The following CELF2 variants were observed in gnomAD, a reference collection of about 807,000 sequenced individuals.
CELF2 encodes CUG triplet repeat RNA-binding protein 2.
CELF2 carries 8 observed loss-of-function variants against 62.6 expected under a neutral mutation model. The observed-to-expected ratio is 0.13, with a 90% CI of 0.07 to 0.23. CELF2 has a LOEUF of 0.23. Among genes scored for constraint, CELF2 ranks in the 10% least tolerant of loss-of-function variants. CELF2 has a pLI of 1.00. For synonymous variants in CELF2, 258 were observed against 250.0 expected (o/e 1.03, Z -0.30); for missense variants, 333 against 671.0 (o/e 0.50, Z 5.56).
chr10:10,693,883 C>G, the CELF2 span, among the ~76,000 whole-genome samples: 1 of 151,870 alleles, frequency 6.6e-6, no homozygotes, highest in Non-Finnish European at 1.5e-5. Flanking sequence ...TTTATTGCGT[C>G]TATTTCATTC....
intron 2 of CELF2, among the ~76,000 whole-genome samples, chr10:11,179,755 C>T (rs572570563): frequency 6.6e-6 from 1 of 152,130 alleles, no homozygotes; most frequent in African/African-American, 2.4e-5. Context: ...TTCTTTCCCC[C>T]CTGAAGGCTC....
chr10:10,783,489 C>T, the CELF2 span, among the ~76,000 whole-genome samples: 2 of 152,208 alleles, frequency 1.3e-5, no homozygotes, highest in Non-Finnish European at 2.9e-5. Flanking sequence ...CCAGTACCGA[C>T]ACCATGATCT....
the CELF2 span, among the ~76,000 whole-genome samples, chr10:10,581,233 G>C: frequency 6.6e-6 from 1 of 152,146 alleles, no homozygotes; most frequent in African/African-American, 2.4e-5. Context: ...GCTACTAGTT[G>C]CTCCCCAGAT....
At chr10:10,563,218 A>G in the CELF2 span, among the ~76,000 whole-genome samples, 10 of 152,114 alleles carry the variant, frequency 6.6e-5, no homozygotes, top group Non-Finnish European at 1.2e-4. Context: ...CGCTGCTGCC[A>G]CCACTGTCCT....
At chr10:11,025,239 G>GTATATATATATATATATATA (rs71378775) in intron 1 of CELF2, among the ~76,000 whole-genome samples, 2 of 141,086 alleles carry the variant, frequency 1.4e-5, no homozygotes, top group African/African-American at 5.1e-5. Flanking sequence ...GTGTGTGTGT[G>GTATATATATATATATATATA]TATATGTATG....
chr10:11,170,499 T>G (rs561656048), intron 2 of CELF2, among the ~76,000 whole-genome samples: 1 of 152,166 alleles, frequency 6.6e-6, no homozygotes, highest in Non-Finnish European at 1.5e-5. Context: ...CTGATGGTTG[T>G]GGACTGTTTA....
chr10:10,893,391 T>G (rs80068071), intron 1 of CELF2, among the ~76,000 whole-genome samples: 50 of 152,060 alleles, frequency 3.3e-4, no homozygotes, highest in African/African-American at 1.1e-3. Flanking sequence ...TCAACTCTCA[T>G]GAGATCAACA....
the CELF2 span, among the ~76,000 whole-genome samples, chr10:10,464,990 G>A: frequency 1.3e-5 from 2 of 152,098 alleles, no homozygotes; most frequent in Non-Finnish European, 2.9e-5. Context: ...TTCTGCATTT[G>A]CCATGAGCTC....
chr10:11,232,403 G>A (rs1007211426), intron 3 of CELF2, among the ~76,000 whole-genome samples: 3 of 152,120 alleles, frequency 2.0e-5, no homozygotes, highest in Non-Finnish European at 4.4e-5. Context: ...TGAGTCAGAT[G>A]ACTCGAGTCT....
intron 9 of CELF2, among the ~76,000 whole-genome samples, chr10:11,291,940 G>A (rs925747546): frequency 2.0e-5 from 3 of 152,100 alleles, no homozygotes; most frequent in Non-Finnish European, 2.9e-5. Flanking sequence ...TTGCATTCAC[G>A]TACCATGTTA....
chr10:10,669,191 GTTC>G, the CELF2 span, among the ~76,000 whole-genome samples: 1 of 152,172 alleles, frequency 6.6e-6, no homozygotes, highest in Non-Finnish European at 1.5e-5. Flanking sequence ...CTAATTGACT[GTTC>G]TTCTCTGAAC....
chr10:11,100,743 GA>G (rs1474730355), intron 1 of CELF2, among the ~76,000 whole-genome samples: 16 of 152,244 alleles, frequency 1.1e-4, no homozygotes, highest in Admixed American at 1.0e-3. Flanking sequence ...TTAAAGCACA[GA>G]ACAATGTTTA....
chr10:11,140,648 G>A (rs904603317), intron 1 of CELF2, among the ~76,000 whole-genome samples: 2 of 152,122 alleles, frequency 1.3e-5, no homozygotes, highest in South Asian at 2.1e-4. Context: ...TATAAATTTC[G>A]CTATTTAAGA....
intron 1 of CELF2, among the ~76,000 whole-genome samples, chr10:11,066,083 G>T (rs1182493609): frequency 6.6e-6 from 1 of 152,134 alleles, no homozygotes; most frequent in Non-Finnish European, 1.5e-5. Context: ...GAAAAAAGGA[G>T]ATCAGGCCAC....
At position 11,159,964 on chromosome 10, in the gene CELF2, A is replaced by G. The variant is rs970277742; in HGVS notation, c.75-5522A>G. 2.0e-5 allele frequency among the ~76,000 whole-genome samples: 3 copies of G among 152,160 alleles called. No individual in the cohort carries two copies. The highest frequency in any genetic ancestry group is 7.2e-5 in the African/African-American group (3 of 41,438). On this transcript the variant is annotated intron_variant, in intron 1 of 12. Coordinates refer to ENST00000633077, the MANE Select transcript of CELF2 (RefSeq NM_001326342.2). The surrounding 1 kb of genome is among the most constrained non-coding windows in gnomAD (Gnocchi z 5.0). The stretch of plus-strand genomic sequence containing the variant: ...GAGATGGGGCTCTCGCAGCACCCCA[A>G]TTAACCGGCCACTCAGCGGCCTGTC...
the CELF2 span, among the ~76,000 whole-genome samples, chr10:10,598,751 C>CTTT: frequency 3.2e-3 from 225 of 69,576 alleles, 18 homozygotes; most frequent in Non-Finnish European, 4.8e-3. Context: ...CTTTTTCTTT[C>CTTT]TTTTTTTTTT....
At chr10:10,529,733 A>C in the CELF2 span, among the ~76,000 whole-genome samples, 1 of 151,120 alleles carries the variant, frequency 6.6e-6, no homozygotes, top group Non-Finnish European at 1.5e-5. Flanking sequence ...AAGCAATCTT[A>C]AAGATTAGTG....
intron 1 of CELF2, among the ~76,000 whole-genome samples, chr10:10,849,172 G>A (rs181738248): frequency 0.023 from 3,508 of 151,698 alleles, 66 homozygotes; most frequent in South Asian, 0.069. Context: ...TGAGGCGGGC[G>A]GATCTCTTGA....
At chr10:10,821,034 A>C (rs1403210463) in intron 1 of CELF2, among the ~76,000 whole-genome samples, 1 of 152,234 alleles carries the variant, frequency 6.6e-6, no homozygotes, top group Admixed American at 6.5e-5. Context: ...AATGATTTCA[A>C]GGAAGTCAAA....
Sources: allele counts gnomAD v4.1 joint callset (sites outside exome capture counted in the v4.1 genomes callset), GRCh38; gene constraint gnomAD v4.1.1; non-coding constraint Gnocchi (gnomAD v3.1); transcripts MANE v1.5; gene names NCBI Gene and HGNC (gene_info 2026-07-23, HGNC 2026-07-21).